The following LAMA1 variants were observed in gnomAD, a reference collection of about 807,000 sequenced individuals.
LAMA1 encodes the protein laminin subunit alpha 1, also known as laminin subunit alpha-1.
Under a neutral mutation model 348.7 loss-of-function variants are expected in LAMA1, and 219 were observed. That is an observed-to-expected ratio of 0.63 (90% CI 0.56 to 0.70). The LOEUF (loss-of-function observed/expected upper bound fraction) is 0.70, where lower values mean the gene tolerates loss of function less well. LAMA1 is among the 30% of genes least tolerant of loss of function. LAMA1 has a pLI of 0.00. For synonymous variants in LAMA1, 1,487 were observed against 1,491.0 expected, an observed-to-expected ratio of 1.00 and a Z score of 0.06; for missense variants, 3,744 against 3,888.0, an observed-to-expected ratio of 0.96 and a Z score of 0.99.
intron 1 of LAMA1, among the ~76,000 whole-genome samples, chr18:7,094,054 G>A (rs542669031): frequency 6.6e-6 from 1 of 152,214 alleles, no homozygotes; most frequent in East Asian, 1.9e-4. Context: ...CAGGATTATA[G>A]GAGTGAGCCA....
In LAMA1 at chr18:6,972,753, G is replaced by A. The variant is rs141294992; in HGVS notation, c.6774+304C>T. ...TGCCCAGGCTGGAGTGCAATGGCGC[G>A]ATCTCAGCTCACTGCAACCTCCACC... On this transcript the variant is annotated intron_variant, in intron 47 of 62. Coordinates refer to ENST00000389658, the MANE Select transcript of LAMA1 (RefSeq NM_005559.4). Among the ~76,000 whole-genome samples the A allele has an allele frequency of 4.1e-3, 619 of 152,208 alleles. 6 individuals carry two copies. Among genetic ancestry groups the A allele is most frequent in the African/African-American group, 0.014 (594 of 41,528 alleles).
rs756158048 is a variant in LAMA1, at chr18:6,959,517, C to A, written c.7627-25G>T. ...GCTGGGGAGGTTGCATAGAGAATTTCCCAGACAAAACACATTACTATATGA... is the reference window on the plus strand; with the variant it reads ...GCTGGGGAGGTTGCATAGAGAATTTACCAGACAAAACACATTACTATATGA... On this transcript the variant is annotated intron_variant, in intron 53 of 62. Coordinates refer to ENST00000389658, the MANE Select transcript of LAMA1 (RefSeq NM_005559.4). The A allele has an allele frequency of 6.2e-6, 10 of 1,613,518 alleles. No individual in the cohort carries two copies. In the Admixed American group the frequency reaches 1.0e-4, roughly 16 times the overall value.
chr18:7,115,571 A>G (rs1400721055), intron 1 of LAMA1, among the ~76,000 whole-genome samples: 2 of 151,968 alleles, frequency 1.3e-5, no homozygotes, highest in African/African-American at 2.4e-5. Flanking sequence ...ATAACACCAG[A>G]CAACTAACTA....
chr18:7,020,557 G>A (rs954587325), intron 19 of LAMA1, among the ~76,000 whole-genome samples: 6 of 152,116 alleles, frequency 3.9e-5, no homozygotes, highest in East Asian at 1.9e-4. Flanking sequence ...TTGTCTCATC[G>A]AAGCGAGGGG....
In LAMA1 at chr18:7,015,747, C is replaced by T. The variant is rs776072436; in HGVS notation, c.3101G>A (p.Gly1034Asp). 161 of 1,613,944 alleles carry T rather than the reference C, an allele frequency of 1.0e-4. No homozygotes were observed. The highest frequency in any genetic ancestry group is 1.3e-4 in the Non-Finnish European group (151 of 1,179,998). Residue 1034 changes from glycine (G) to aspartate (D), a missense_variant, in exon 22 of 63, where the codon GGC becomes GAC. By Grantham distance (94) the Gly-to-Asp change is moderately conservative. Transcript: ENST00000389658. ...KCEECEDGHW[G>D]YDAEVGCQAC... The stretch of plus-strand genomic sequence containing the variant: ...CTGGCACCCCACCTCCGCATCGTAG[C>T]CCCAGTGCCCATCCTCACATTCTTC...
Position 6,961,576 on chromosome 18 carries a change from C to T in LAMA1, c.7626+10G>A, listed in dbSNP as rs376906505. On this transcript the variant is annotated intron_variant, in intron 53 of 62. Coordinates refer to ENST00000389658, the MANE Select transcript of LAMA1 (RefSeq NM_005559.4). ...TGAGCTTGGGGCTCAGGAGCACTGGCCCTACTCACCACGTGTGCTTCCTCA... is the reference window on the plus strand; with the variant it reads ...TGAGCTTGGGGCTCAGGAGCACTGGTCCTACTCACCACGTGTGCTTCCTCA... 434 of 1,612,822 alleles carry T rather than the reference C, an allele frequency of 2.7e-4. No homozygotes were observed. The highest frequency in any genetic ancestry group is 5.9e-4 in the Middle Eastern group (3 of 5,120).
At position 6,942,085 on chromosome 18, in the gene LAMA1, C is replaced by T. The variant is rs1306702695; in HGVS notation, c.9222G>A (p.Glu3074=). 6.2e-7 allele frequency: 1 copy of T among 1,614,004 alleles called. No individual in the cohort carries two copies. Among genetic ancestry groups the T allele is most frequent in the Non-Finnish European group, 8.5e-7 (1 of 1,180,012 alleles). ...GVFLHSCPGT[E]S Reference sequence around the variant, plus strand: ...TGAGGATTCTGCTTGAAGTTCAGGACTCGGTCCCAGGACAGGAATGAAGGA... The same window carrying T: ...TGAGGATTCTGCTTGAAGTTCAGGATTCGGTCCCAGGACAGGAATGAAGGA... The change falls in exon 63 of 63, where the codon GAG becomes GAA. Residue 3074 remains glutamate (E), a synonymous_variant. Coordinates refer to ENST00000389658, the MANE Select transcript of LAMA1 (RefSeq NM_005559.4).
At position 7,016,634 on chromosome 18, in the gene LAMA1, C is replaced by T. The variant is rs753436259; in HGVS notation, c.2846G>A (p.Arg949Gln). The change falls in exon 21 of 63, where the codon CGG (arginine) becomes CAG (glutamine). Residue 949 changes from arginine (R) to glutamine (Q), a missense_variant. Coordinates refer to ENST00000389658, the MANE Select transcript of LAMA1 (RefSeq NM_005559.4). ...GCCTGCCACGCTGCAGTTGCAGGGC[C>T]GGCAGCCATGGCCTGAGTCCAGCCC... ...YYGLDSGHGCRPCNCSVAGSV... is the reference protein window; with the variant it reads ...YYGLDSGHGCQPCNCSVAGSV... 26 of 1,613,706 alleles carry T rather than the reference C, an allele frequency of 1.6e-5. No individual in the cohort carries two copies. The highest frequency in any genetic ancestry group is 6.7e-5 in the African/African-American group (5 of 74,902).
chr18:7,070,969 G>A (rs564887404), intron 3 of LAMA1, among the ~76,000 whole-genome samples: 136 of 151,630 alleles, frequency 9.0e-4, no homozygotes, highest in Non-Finnish European at 1.3e-3. Flanking sequence ...AAGCATGAAG[G>A]AAGTGTCAAT....
chr18:7,089,894 T>A (rs79951673), intron 1 of LAMA1, among the ~76,000 whole-genome samples: 1 of 152,134 alleles, frequency 6.6e-6, no homozygotes, highest in Admixed American at 6.5e-5. Context: ...GCGAAATTCA[T>A]CTTCACTCAA....
At chr18:7,068,857 T>G (rs1298686871) in intron 3 of LAMA1, among the ~76,000 whole-genome samples, 7 of 152,158 alleles carry the variant, frequency 4.6e-5, no homozygotes, top group African/African-American at 1.4e-4. Flanking sequence ...AAATATCTCT[T>G]GAGAAATTAA....
chr18:7,084,758 G>A (rs1043921410), intron 1 of LAMA1, among the ~76,000 whole-genome samples: 2 of 152,096 alleles, frequency 1.3e-5, no homozygotes, highest in Non-Finnish European at 2.9e-5. Context: ...GGTGAAAAAC[G>A]GCCACCAAGG....
At chr18:7,038,674 C>A in intron 11 of LAMA1, 136 bp downstream of exon 11, 2 of 1,202,802 alleles carry the variant, frequency 1.7e-6, no homozygotes, top group South Asian at 1.2e-5. Context: ...TGCCTTTGAC[C>A]CACGTCAGTA....
intron 1 of LAMA1, among the ~76,000 whole-genome samples, chr18:7,111,945 A>G (rs372802556): frequency 2.0e-5 from 3 of 151,372 alleles, no homozygotes; most frequent in Non-Finnish European, 4.4e-5. Context: ...TATTTTCTGT[A>G]CCTGCCATAG....
chr18:6,946,680 T>C (rs969722230), intron 61 of LAMA1, among the ~76,000 whole-genome samples: 2 of 151,956 alleles, frequency 1.3e-5, no homozygotes, highest in South Asian at 2.1e-4. Flanking sequence ...GATTGCACCA[T>C]TGCACTCTAG....
At chr18:7,000,233 T>C (rs1019351337) in intron 30 of LAMA1, among the ~76,000 whole-genome samples, 1 of 152,190 alleles carries the variant, frequency 6.6e-6, no homozygotes, top group Admixed American at 6.5e-5. Context: ...GGGACAATCA[T>C]GTGAATGTTA....
intron 56 of LAMA1, 149 bp from the exon 57 acceptor site, chr18:6,955,614 G>A (rs578046224): frequency 3.6e-5 from 25 of 703,842 alleles, no homozygotes; most frequent in South Asian, 2.1e-4. Flanking sequence ...CTCCATCTTC[G>A]GTTTAAATGA....
intron 56 of LAMA1, chr18:6,955,697 C>T (rs559332104): frequency 1.6e-6 from 1 of 629,454 alleles, no homozygotes; most frequent in African/African-American, 1.8e-5. Context: ...TCCCACTCGG[C>T]TTCACTGAAA....
intron 1 of LAMA1, 151 bp from the exon 2 acceptor site, chr18:7,080,608 G>T: frequency 1.2e-6 from 1 of 840,852 alleles, no homozygotes; most frequent in Non-Finnish European, 1.9e-6. Flanking sequence ...ACGCAGCATG[G>T]TTTCATCTAT....
Sources: allele counts gnomAD v4.1 joint callset (sites outside exome capture counted in the v4.1 genomes callset), GRCh38; gene constraint gnomAD v4.1.1; transcripts MANE v1.5; gene names NCBI Gene and HGNC (gene_info 2026-07-23, HGNC 2026-07-21).